The following PPIL6 variants were observed in gnomAD, a reference collection of about 807,000 sequenced individuals.
PPIL6 encodes probable inactive peptidyl-prolyl cis-trans isomerase-like 6.
Under a neutral mutation model 36.8 loss-of-function variants are expected in PPIL6, and 39 were observed. The ratio of observed to expected loss-of-function variants is 1.06; its 90% CI spans 0.82 to 1.38. The LOEUF is 1.38. Among genes scored for constraint, PPIL6 ranks in the 40% most tolerant of loss-of-function variants. The pLI is 0.00. For missense variants in PPIL6, 368 were observed against 379.1 expected, an observed-to-expected ratio of 0.97 and a Z score of 0.24; for synonymous variants, 123 against 134.1, an observed-to-expected ratio of 0.92 and a Z score of 0.57.
intron 7 of PPIL6, among the ~76,000 whole-genome samples, chr6:109,393,689 T>C (rs1441429406): frequency 6.6e-6 from 1 of 152,160 alleles, no homozygotes; most frequent in East Asian, 1.9e-4. Flanking sequence ...GGCCACATGC[T>C]TCCTGTTGCT....
In PPIL6 at chr6:109,407,946, GCCACA is replaced by G. The variant is rs1247885278; in HGVS notation, c.689-7781_689-7777del. Among the ~76,000 whole-genome samples, 5 of 152,204 alleles carry G rather than the reference GCCACA, an allele frequency of 3.3e-5. No homozygotes were observed. In the South Asian group the frequency reaches 8.3e-4, roughly 25 times the overall value. ...GTAGGTGGGACTAAAGGTGCATGCT[GCCACA>G]CCTGGCGTACTCCTCACTGAATATA... On this transcript the variant is annotated intron_variant, in intron 6 of 7. Coordinates refer to ENST00000521072, the MANE Select transcript of PPIL6 (RefSeq NM_173672.5).
chr6:109,435,642 T>C (rs1774403076), intron 2 of PPIL6, among the ~76,000 whole-genome samples: 1 of 150,468 alleles, frequency 6.6e-6, no homozygotes, highest in African/African-American at 2.4e-5. Flanking sequence ...AACAGCTTGG[T>C]GGCCGAGCTC....
chr6:109,390,367 G>C lies in PPIL6; in HGVS notation c.*2459C>G, dbSNP rs1404559562. The stretch of plus-strand genomic sequence containing the variant: ...CCACTGTTTCTCAGATGAAGGAATT[G>C]AGGCACAGAAAAGTTCTTGCCTGAG... On this transcript the variant is annotated 3_prime_UTR_variant, in exon 8 of 8. Coordinates refer to ENST00000521072, the MANE Select transcript of PPIL6 (RefSeq NM_173672.5). 1.3e-5 allele frequency: 2 copies of C among 152,204 alleles called. No individual in the cohort carries two copies. Among genetic ancestry groups the C allele is most frequent in the Admixed American group, 6.5e-5 (1 of 15,278 alleles). The allele number at this position is 152,204 out of a possible 1,614,324, so 9.4% of individuals were successfully genotyped here. A position where few individuals can be genotyped will look rare whatever the true frequency, so the allele number is the denominator to read the frequency against.
intron 6 of PPIL6, among the ~76,000 whole-genome samples, chr6:109,401,474 T>C (rs904108306): frequency 2.0e-5 from 3 of 152,198 alleles, no homozygotes; most frequent in Non-Finnish European, 2.9e-5. Context: ...ACTGCTGTTA[T>C]TAAGTTTCAA....
Position 109,431,454 on chromosome 6 carries a change from T to A in PPIL6, c.232-109A>T, listed in dbSNP as rs566727192. 5.0e-4 allele frequency: 311 copies of A among 619,146 alleles called. 1 individual carries two copies. The highest frequency in any genetic ancestry group is 7.2e-4 in the Non-Finnish European group (283 of 395,176). The allele number at this position is 619,146 out of a possible 1,614,324, so 38.4% of individuals were successfully genotyped here. A position where few individuals can be genotyped will look rare whatever the true frequency, so the allele number is the denominator to read the frequency against. ...CAACTCTAGGTCTGAATTTGTCAAC[T>A]CTAGTATTGAATCTTTTAAAAATAA... On this transcript the variant is annotated intron_variant, in intron 2 of 7. Transcript: ENST00000521072.
rs1336950770 is a variant in PPIL6 at position 109,427,007 on chromosome 6, G to C, written c.484-13C>G. ...CATCACAGTATAGCTACAAAATAAA[G>C]ACAAAAGGTTTCAAAGATTAAATAT... On this transcript the variant is annotated splice_polypyrimidine_tract_variant and intron_variant, in intron 4 of 7. Transcript: ENST00000521072. 6.2e-7 allele frequency: 1 copy of C among 1,601,040 alleles called. No homozygotes were observed. The highest frequency in any genetic ancestry group is 1.1e-5 in the South Asian group (1 of 89,688).
intron 2 of PPIL6, 135 bp downstream of exon 2, chr6:109,435,968 GA>G: frequency 1.4e-6 from 1 of 708,868 alleles, no homozygotes; most frequent in Non-Finnish European, 2.6e-6. Flanking sequence ...TACAATTTAG[GA>G]AAAGTACGTA....
chr6:109,417,894 G>A (rs1773347108), intron 6 of PPIL6, among the ~76,000 whole-genome samples: 2 of 152,112 alleles, frequency 1.3e-5, no homozygotes, highest in African/African-American at 4.8e-5. Flanking sequence ...AAAACCCTTT[G>A]TCTGCCTTTA....
chr6:109,397,895 CTTT>C, intron 7 of PPIL6, among the ~76,000 whole-genome samples: 1 of 143,444 alleles, frequency 7.0e-6, no homozygotes, highest in African/African-American at 2.5e-5. Context: ...GGATTTAAAA[CTTT>C]TTTTTTTTTT....
intron 7 of PPIL6, among the ~76,000 whole-genome samples, chr6:109,393,881 G>A (rs730089): frequency 0.52 from 79,467 of 152,046 alleles, 21,902 homozygotes; most frequent in African/African-American, 0.71. Flanking sequence ...CTTATATTAA[G>A]TTCTCTGTCG....
intron 1 of PPIL6, among the ~76,000 whole-genome samples, chr6:109,437,530 T>C (rs928377597): frequency 1.3e-5 from 2 of 150,970 alleles, no homozygotes; most frequent in African/African-American, 4.9e-5. Flanking sequence ...ATACTGCAGG[T>C]TGACTACTAT....
chr6:109,394,185 C>T (rs1009656926), intron 7 of PPIL6, among the ~76,000 whole-genome samples: 6 of 152,008 alleles, frequency 3.9e-5, no homozygotes, highest in Non-Finnish European at 7.4e-5. Flanking sequence ...AGCCTGGGGA[C>T]AACCTGGTGA....
intron 6 of PPIL6, among the ~76,000 whole-genome samples, chr6:109,402,851 G>GT (rs1772618412): frequency 6.6e-6 from 1 of 151,920 alleles, no homozygotes; most frequent in African/African-American, 2.4e-5. Flanking sequence ...TGGTCATGCC[G>GT]TAACTGGCCT....
chr6:109,432,228 G>A (rs1774196001), intron 2 of PPIL6, among the ~76,000 whole-genome samples: 1 of 152,096 alleles, frequency 6.6e-6, no homozygotes, highest in Non-Finnish European at 1.5e-5. Flanking sequence ...GGTAGTGTGG[G>A]GCTTAAGGTT....
intron 5 of PPIL6, among the ~76,000 whole-genome samples, chr6:109,425,715 A>AC (rs955676810): frequency 6.7e-6 from 1 of 149,720 alleles, no homozygotes; most frequent in Non-Finnish European, 1.5e-5. Flanking sequence ...GTGCCACTGC[A>AC]CTACAGCCTG....
At position 109,404,177 on chromosome 6, in the gene PPIL6, G is replaced by T. The variant is rs74573338; in HGVS notation, c.689-4007C>A. Among the ~76,000 whole-genome samples, 189 of 152,338 alleles carry T rather than the reference G, an allele frequency of 1.2e-3. 1 individual carries two copies. In the East Asian group the frequency reaches 0.025, roughly 21 times the overall value. ...TACTACAACAGTCTAAGGATGGGGT[G>T]AGGGATAATCAGCAGAGACTCAGGG... On this transcript the variant is annotated intron_variant, in intron 6 of 7. Transcript: ENST00000521072.
chr6:109,421,184 A>C (rs1773524816), intron 5 of PPIL6, among the ~76,000 whole-genome samples: 1 of 151,938 alleles, frequency 6.6e-6, no homozygotes, highest in South Asian at 2.1e-4. Flanking sequence ...TCTGCTTCAG[A>C]TCTCCTAGGT....
At chr6:109,433,803 G>T (rs995349760) in intron 2 of PPIL6, among the ~76,000 whole-genome samples, 1 of 152,226 alleles carries the variant, frequency 6.6e-6, no homozygotes, top group African/African-American at 2.4e-5. Context: ...ACAGCCAGAG[G>T]AGAAGGGAGG....
At chr6:109,402,851 G>A (rs893843099) in intron 6 of PPIL6, among the ~76,000 whole-genome samples, 2 of 151,920 alleles carry the variant, frequency 1.3e-5, no homozygotes, top group South Asian at 2.1e-4. Flanking sequence ...TGGTCATGCC[G>A]TAACTGGCCT....
Sources: gnomAD v4.1 joint callset for allele counts (sites outside exome capture counted in the v4.1 genomes callset) on GRCh38, gnomAD v4.1.1 for gene constraint, MANE v1.5 for transcripts, NCBI Gene and HGNC (gene_info 2026-07-23, HGNC 2026-07-21) for gene names.